The following FGF7 variants were observed in gnomAD, a reference collection of about 807,000 sequenced individuals.
FGF7 encodes fibroblast growth factor 7, also known as FGF-7.
Under a neutral mutation model 20.5 loss-of-function variants are expected in FGF7, and 6 were observed. That is an observed-to-expected ratio of 0.29 (90% CI 0.16 to 0.58). FGF7 has a LOEUF of 0.58. FGF7 is among the 20% of genes least tolerant of loss of function. The pLI is 0.90. For missense variants in FGF7, 144 were observed against 228.8 expected (o/e 0.63, Z 2.39); for synonymous variants, 64 against 74.7 (o/e 0.86, Z 0.74).
At chr15:49,442,319 G>T (rs2051735589) in intron 2 of FGF7, among the ~76,000 whole-genome samples, 1 of 151,484 alleles carries the variant, frequency 6.6e-6, no homozygotes, top group African/African-American at 2.4e-5. Flanking sequence ...CCATTCTTCA[G>T]GGCCCAGATT....
chr15:49,485,232 T>C lies in FGF7; in HGVS notation c.*728T>C, dbSNP rs1380731212. ...TAGCAACAGTGATTGATGATAATAC[T>C]GTACTTCATCTTACTTGCCACAAAA... On this transcript the variant is annotated 3_prime_UTR_variant, in exon 4 of 4. Coordinates refer to ENST00000267843, the MANE Select transcript of FGF7 (RefSeq NM_002009.4). The C allele has an allele frequency of 6.6e-6, 1 of 152,228 alleles. No individual in the cohort carries two copies. Among genetic ancestry groups the C allele is most frequent in the African/African-American group, 2.4e-5 (1 of 41,262 alleles). The allele number at this position is 152,228 out of a possible 1,614,324, so 9.4% of individuals were successfully genotyped here. A position where few individuals can be genotyped will look rare whatever the true frequency, so the allele number is the denominator to read the frequency against.
intron 2 of FGF7, among the ~76,000 whole-genome samples, chr15:49,454,510 G>C (rs1181204598): frequency 6.6e-6 from 1 of 152,152 alleles, no homozygotes; most frequent in African/African-American, 2.4e-5. Context: ...CCCTACTAAT[G>C]AGAAAACATT....
At chr15:49,470,042 T>G (rs2054597719) in intron 2 of FGF7, among the ~76,000 whole-genome samples, 1 of 152,176 alleles carries the variant, frequency 6.6e-6, no homozygotes. Flanking sequence ...CTTAATTCTC[T>G]GGTAAAATTT....
chr15:49,477,751 A>G (rs1427718626), intron 2 of FGF7, among the ~76,000 whole-genome samples: 2 of 152,216 alleles, frequency 1.3e-5, no homozygotes, highest in Non-Finnish European at 2.9e-5. Context: ...AGAAACTGCC[A>G]AACTGTCTTC....
At chr15:49,447,653 T>C (rs572938887) in intron 2 of FGF7, among the ~76,000 whole-genome samples, 7 of 151,830 alleles carry the variant, frequency 4.6e-5, no homozygotes, top group African/African-American at 1.7e-4. Flanking sequence ...TTCAAAGCTA[T>C]CTCCTTCATT....
At chr15:49,447,337 A>C (rs2052317556) in intron 2 of FGF7, among the ~76,000 whole-genome samples, 1 of 151,578 alleles carries the variant, frequency 6.6e-6, no homozygotes, top group Admixed American at 6.6e-5. Context: ...CTTAGAGGTA[A>C]ATACATTTTG....
Position 49,488,287 on chromosome 15 carries a change from C to T in FGF7, c.*3783C>T, listed in dbSNP as rs1401627623. ...TTGTTGTCAGCTACTCTTTATTCCA[C>T]TTCTGTACAGTATTTATTCAACCAA... On this transcript the variant is annotated 3_prime_UTR_variant, in exon 4 of 4. Transcript: ENST00000267843. 6.6e-6 allele frequency: 1 copy of T among 151,986 alleles called. No homozygotes were observed. Among genetic ancestry groups the T allele is most frequent in the Non-Finnish European group, 1.5e-5 (1 of 67,930 alleles). The allele number at this position is 151,986 out of a possible 1,614,324, so 9.4% of individuals were successfully genotyped here.
intron 2 of FGF7, among the ~76,000 whole-genome samples, chr15:49,440,281 C>A (rs961483313): frequency 6.6e-6 from 1 of 151,670 alleles, no homozygotes; most frequent in Non-Finnish European, 1.5e-5. Context: ...CAATTTGGAT[C>A]ATTTCCCCTT....
chr15:49,447,540 T>C (rs140711067), intron 2 of FGF7, among the ~76,000 whole-genome samples: 2 of 151,818 alleles, frequency 1.3e-5, no homozygotes, highest in African/African-American at 2.4e-5. Flanking sequence ...CTTGGTAGCA[T>C]ATGCGTTGAT....
In FGF7 at chr15:49,424,254, A is replaced by G. The variant is rs749667960; in HGVS notation, c.-44A>G. The G allele has an allele frequency of 7.1e-6, 11 of 1,556,226 alleles. No homozygotes were observed. Among genetic ancestry groups the G allele is most frequent in the Non-Finnish European group, 9.7e-6 (11 of 1,136,272 alleles). The stretch of plus-strand genomic sequence containing the variant: ...AGGAGTAACAATCAACTCAAGATTC[A>G]TTTTCATTATGTTATTCATGAACAC... On this transcript the variant is annotated 5_prime_UTR_variant, in exon 2 of 4. Transcript: ENST00000267843.
chr15:49,468,228 G>T (rs2413959), intron 2 of FGF7, among the ~76,000 whole-genome samples: 49,289 of 151,934 alleles, frequency 0.32, 8,720 homozygotes, highest in African/African-American at 0.45. Flanking sequence ...TAAGAAGTAT[G>T]TTTGATTTAT....
At chr15:49,449,814 T>A (rs923275659) in intron 2 of FGF7, among the ~76,000 whole-genome samples, 9 of 125,060 alleles carry the variant, frequency 7.2e-5, no homozygotes, top group African/African-American at 2.5e-4. Flanking sequence ...ATTATAAAGA[T>A]ACATGTAAAC....
chr15:49,424,699 T>C, intron 2 of FGF7, 116 bp downstream of exon 2: 1 of 797,556 alleles, frequency 1.3e-6, no homozygotes, highest in East Asian at 2.7e-5. Flanking sequence ...AAATAAAATG[T>C]CACCTAATTT....
At chr15:49,475,026 T>C (rs1357205652) in intron 2 of FGF7, among the ~76,000 whole-genome samples, 2 of 152,240 alleles carry the variant, frequency 1.3e-5, no homozygotes, top group Middle Eastern at 3.4e-3. Context: ...TTTCAGACAA[T>C]GGTATGGAAA....
intron 2 of FGF7, among the ~76,000 whole-genome samples, chr15:49,462,493 C>G (rs181372713): frequency 5.3e-5 from 8 of 152,290 alleles, no homozygotes; most frequent in African/African-American, 1.9e-4. Flanking sequence ...AATATAATTT[C>G]TAACATAATT....
At chr15:49,437,353 G>A (rs1420976909) in intron 2 of FGF7, among the ~76,000 whole-genome samples, 1 of 151,576 alleles carries the variant, frequency 6.6e-6, no homozygotes, top group African/African-American at 2.4e-5. Context: ...GAAGGATGGT[G>A]AAAAAGAAAC....
intron 2 of FGF7, among the ~76,000 whole-genome samples, chr15:49,475,645 AT>A (rs1021529168): frequency 6.6e-6 from 1 of 151,882 alleles, no homozygotes; most frequent in Non-Finnish European, 1.5e-5. Flanking sequence ...ACAATTTGAT[AT>A]TTTTTTTACT....
At chr15:49,475,299 A>C (rs2055163734) in intron 2 of FGF7, among the ~76,000 whole-genome samples, 1 of 152,196 alleles carries the variant, frequency 6.6e-6, no homozygotes, top group African/African-American at 2.4e-5. Flanking sequence ...CAATAAAGAG[A>C]TTAGAAGTTA....
intron 2 of FGF7, among the ~76,000 whole-genome samples, chr15:49,462,854 G>T (rs1423799505): frequency 6.6e-6 from 1 of 151,924 alleles, no homozygotes; most frequent in African/African-American, 2.4e-5. Context: ...AATTATAAAC[G>T]ATATTACATT....
Sources: allele counts gnomAD v4.1 joint callset (sites outside exome capture counted in the v4.1 genomes callset), GRCh38; gene constraint gnomAD v4.1.1; transcripts MANE v1.5; gene names NCBI Gene and HGNC (gene_info 2026-07-23, HGNC 2026-07-21).